Variants in MMP16 observed in about 807,000 individuals in gnomAD.
MMP16 encodes the protein matrix metallopeptidase 16.
In MMP16, 12 loss-of-function variants were observed where a neutral mutation model predicts 67.8. That is an observed-to-expected ratio of 0.18 (90% CI 0.11 to 0.29). The LOEUF (loss-of-function observed/expected upper bound fraction) is 0.29. Among genes scored for constraint, MMP16 ranks in the 10% least tolerant of loss-of-function variants. The pLI is 1.00. For synonymous variants in MMP16, 249 were observed against 255.9 expected (o/e 0.97, Z 0.26); for missense variants, 475 against 765.7 (o/e 0.62, Z 4.48).
intron 1 of MMP16, among the ~76,000 whole-genome samples, chr8:88,276,016 T>A (rs1320289364): frequency 6.6e-6 from 1 of 152,076 alleles, no homozygotes; most frequent in Non-Finnish European, 1.5e-5. Flanking sequence ...AGTTGTAACA[T>A]TAAAATCCTA....
intron 6 of MMP16, among the ~76,000 whole-genome samples, chr8:88,108,887 C>G (rs1809287090): frequency 6.6e-6 from 1 of 151,172 alleles, no homozygotes; most frequent in Admixed American, 6.6e-5. Flanking sequence ...TTAAAGTTGT[C>G]TATTGTAAAG....
intron 8 of MMP16, among the ~76,000 whole-genome samples, chr8:88,052,319 G>A (rs2118215961): frequency 6.6e-6 from 1 of 152,210 alleles, no homozygotes; most frequent in Middle Eastern, 3.4e-3. Flanking sequence ...TGAGTGAAAA[G>A]CCTAGAAGTT....
chr8:88,319,516 A>G (rs1313661391), intron 1 of MMP16, among the ~76,000 whole-genome samples: 1 of 152,092 alleles, frequency 6.6e-6, no homozygotes, highest in Non-Finnish European at 1.5e-5. Flanking sequence ...ATGCACAGAC[A>G]TTAGAACCTA....
chr8:88,246,660 T>C (rs976622377), intron 1 of MMP16, among the ~76,000 whole-genome samples: 6 of 152,318 alleles, frequency 3.9e-5, no homozygotes, highest in Middle Eastern at 3.4e-3. Flanking sequence ...ATTAGTCATG[T>C]ACTCCAGACA....
chr8:88,234,467 C>A (rs1809910109), intron 1 of MMP16, among the ~76,000 whole-genome samples: 1 of 152,200 alleles, frequency 6.6e-6, no homozygotes, highest in South Asian at 2.1e-4. Context: ...TGGATGTATC[C>A]AAACTCTTTC....
intron 6 of MMP16, among the ~76,000 whole-genome samples, chr8:88,080,066 T>C (rs1808719857): frequency 6.6e-6 from 1 of 152,220 alleles, no homozygotes; most frequent in African/African-American, 2.4e-5. Flanking sequence ...TACTGCATCA[T>C]GGTATTTGTG....
intron 7 of MMP16, among the ~76,000 whole-genome samples, chr8:88,062,358 G>A (rs988169548): frequency 2.6e-5 from 4 of 152,144 alleles, no homozygotes; most frequent in South Asian, 2.1e-4. Flanking sequence ...ATATGCACAC[G>A]TATGTTTATT....
At chr8:88,197,373 A>G (rs1809273234) in intron 1 of MMP16, 67 bp from the exon 2 acceptor site, 1 of 1,343,366 alleles carries the variant, frequency 7.4e-7, no homozygotes, top group Admixed American at 2.8e-5. Context: ...CTGGTAATTA[A>G]TGTATATCTA....
chr8:88,250,854 G>T (rs1469895526), intron 1 of MMP16, among the ~76,000 whole-genome samples: 2 of 150,256 alleles, frequency 1.3e-5, no homozygotes, highest in Non-Finnish European at 3.0e-5. Context: ...GCATACATGT[G>T]CCATGCTGGT....
At chr8:88,084,634 C>T (rs1808804760) in intron 6 of MMP16, among the ~76,000 whole-genome samples, 1 of 151,948 alleles carries the variant, frequency 6.6e-6, no homozygotes, top group Non-Finnish European at 1.5e-5. Flanking sequence ...ACTGCATTTG[C>T]ATACATACAT....
chr8:88,282,476 T>G (rs1248045582), intron 1 of MMP16, among the ~76,000 whole-genome samples: 5 of 152,366 alleles, frequency 3.3e-5, no homozygotes, highest in African/African-American at 1.2e-4. Context: ...GTAGGAATAC[T>G]AAAACATATT....
At chr8:88,215,045 T>C (rs1403083548) in intron 1 of MMP16, among the ~76,000 whole-genome samples, 1 of 152,176 alleles carries the variant, frequency 6.6e-6, no homozygotes, top group Non-Finnish European at 1.5e-5. Context: ...AAGTGGCAAC[T>C]GAGGCTGGGC....
At chr8:88,208,313 A>G (rs1038796841) in intron 1 of MMP16, among the ~76,000 whole-genome samples, 16 of 152,224 alleles carry the variant, frequency 1.1e-4, no homozygotes, top group African/African-American at 3.9e-4. Context: ...AAGGGAAAAG[A>G]TAAACACAAG....
chr8:88,166,308 AAAAT>A (rs1172338657), intron 4 of MMP16, among the ~76,000 whole-genome samples: 3 of 152,040 alleles, frequency 2.0e-5, no homozygotes, highest in African/African-American at 7.2e-5. Flanking sequence ...AATCAGAAGA[AAAAT>A]AAGTCTTCAC....
intron 6 of MMP16, among the ~76,000 whole-genome samples, chr8:88,083,945 T>G (rs996832242): frequency 6.6e-6 from 1 of 152,042 alleles, no homozygotes; most frequent in African/African-American, 2.4e-5. Context: ...CAGATTCACA[T>G]GCAATTATAA....
intron 6 of MMP16, among the ~76,000 whole-genome samples, chr8:88,080,768 C>T (rs916187354): frequency 1.3e-5 from 2 of 151,914 alleles, no homozygotes; most frequent in Non-Finnish European, 2.9e-5. Flanking sequence ...CTGATGTGGG[C>T]GTGGAGAGTG....
chr8:88,114,005 G>C lies in MMP16; in HGVS notation c.1083+2502C>G, dbSNP rs902775844. On this transcript the variant is annotated intron_variant, in intron 6 of 9. Transcript: ENST00000286614. ...GTTTAGTGGGGAAAACATAGGTTTTGGAATCAAGTAGATCTGTGTTCAGCT... is the reference window on the plus strand; with the variant it reads ...GTTTAGTGGGGAAAACATAGGTTTTCGAATCAAGTAGATCTGTGTTCAGCT... Among the ~76,000 whole-genome samples, 28 of 151,872 alleles carry C rather than the reference G, an allele frequency of 1.8e-4. 4 individuals are homozygous for C. Among genetic ancestry groups the C allele is most frequent in the Admixed American group, 1.7e-3 (26 of 15,216 alleles).
At position 88,041,692 on chromosome 8, in the gene MMP16, G is replaced by A; in HGVS notation, c.1593C>T (p.Gly531=). 6.2e-7 allele frequency: 1 copy of A among 1,613,986 alleles called. No homozygotes were observed. The change falls in exon 10 of 10, where the codon GGC becomes GGT. Residue 531 remains glycine, a synonymous_variant. Transcript: ENST00000286614. The surrounding 1 kb of genome is among the most constrained non-coding windows in gnomAD (Gnocchi z 6.0). ...YPRSILKDFM[G]CDGPTDRVKE... ...TAACTCTGTCTGTTGGTCCATCACA[G>A]CCCATAAAATCCTTGAGGATGGATC...
intron 1 of MMP16, among the ~76,000 whole-genome samples, chr8:88,238,251 G>A (rs371379385): frequency 1.3e-4 from 20 of 152,110 alleles, no homozygotes; most frequent in African/African-American, 3.4e-4. Context: ...AGTGTCTCAC[G>A]CCTGTAATCC....
Sources: gnomAD v4.1 joint callset for allele counts (sites outside exome capture counted in the v4.1 genomes callset) on GRCh38, gnomAD v4.1.1 for gene constraint, Gnocchi (gnomAD v3.1) non-coding constraint, MANE v1.5 for transcripts, NCBI Gene and HGNC (gene_info 2026-07-23, HGNC 2026-07-21) for gene names.